Variants in EDA observed in about 807,000 individuals in gnomAD.
EDA encodes the protein ectodysplasin-A.
A neutral mutation model predicts 23.6 loss-of-function variants in EDA; 2 were observed. The observed-to-expected ratio is 0.08, with a 90% CI of 0.03 to 0.27. The LOEUF is 0.27. Ranked by LOEUF, EDA falls within the 10% of genes least tolerant of loss-of-function variation. EDA has a pLI of 1.00. For missense variants in EDA, 229 were observed against 324.2 expected, an observed-to-expected ratio of 0.71 and a Z score of 2.26; for synonymous variants, 131 against 132.0, an observed-to-expected ratio of 0.99 and a Z score of 0.05.
intron 1 of EDA, among the ~76,000 whole-genome samples, chrX:69,639,014 TG>T (rs1252216418): frequency 1.8e-5 from 2 of 109,367 alleles, no homozygotes; most frequent in African/African-American, 6.7e-5. Flanking sequence ...CTCATGTAAG[TG>T]GAGTCATACA....
intron 1 of EDA, among the ~76,000 whole-genome samples, chrX:69,659,971 G>T (rs1037892747): frequency 1.8e-5 from 2 of 111,697 alleles, no homozygotes; most frequent in Non-Finnish European, 3.8e-5. Context: ...GCATGGATGT[G>T]TCAGTACCTA....
chrX:70,029,183 C>T (rs2020164517), intron 4 of EDA, among the ~76,000 whole-genome samples: 1 of 112,764 alleles, frequency 8.9e-6, no homozygotes, highest in Non-Finnish European at 1.9e-5. Flanking sequence ...AAGCCAATGC[C>T]ATTGCCTCAG....
chrX:70,023,356 T>C, intron 3 of EDA, 115 bp downstream of exon 3: 1 of 474,223 alleles, frequency 2.1e-6, no homozygotes, highest in Admixed American at 3.6e-5. Context: ...CTGTCTGTTA[T>C]TTTATTCAAT....
At chrX:69,743,927 A>G (rs1446261304) in intron 1 of EDA, among the ~76,000 whole-genome samples, 2 of 111,943 alleles carry the variant, frequency 1.8e-5, no homozygotes, top group Non-Finnish European at 3.8e-5. Context: ...ACCAGATTTA[A>G]AGACTATTAT....
At position 69,957,148 on chromosome X, in the gene EDA, T is replaced by C. The variant is rs1457677814; in HGVS notation, c.502+16T>C. The C allele has an allele frequency of 5.2e-6, 6 of 1,163,251 alleles. No homozygotes were observed. The highest frequency in any genetic ancestry group is 7.0e-6 in the Non-Finnish European group (6 of 851,241). The stretch of plus-strand genomic sequence containing the variant: ...GGAGCAGATGGTAAGTCTACTCAGT[T>C]GATCCTTTATCACTTCTGAATTATT... On this transcript the variant is annotated intron_variant, in intron 2 of 7. Coordinates refer to ENST00000374552, the MANE Select transcript of EDA (RefSeq NM_001399.5).
At chrX:69,713,060 T>C (rs369905133) in intron 1 of EDA, among the ~76,000 whole-genome samples, 2 of 68,548 alleles carry the variant, frequency 2.9e-5, no homozygotes, top group East Asian at 5.7e-4. Flanking sequence ...CCGGGGCCTG[T>C]TGTAGGGTGG....
chrX:69,939,356 A>G (rs1388421973), intron 1 of EDA, among the ~76,000 whole-genome samples: 1 of 111,419 alleles, frequency 9.0e-6, no homozygotes, highest in South Asian at 3.7e-4. Flanking sequence ...ATTTGTGGCT[A>G]TTTTAATGGG....
At chrX:69,880,580 C>T (rs761010284) in intron 1 of EDA, among the ~76,000 whole-genome samples, 12 of 111,720 alleles carry the variant, frequency 1.1e-4, no homozygotes, top group Non-Finnish European at 2.1e-4. Flanking sequence ...AGAAGAACCT[C>T]AGGATTTGGC....
intron 1 of EDA, among the ~76,000 whole-genome samples, chrX:69,722,025 A>C (rs1180510235): frequency 1.8e-5 from 2 of 110,991 alleles, no homozygotes; most frequent in African/African-American, 6.6e-5. Flanking sequence ...CACCTCTCTC[A>C]TTATTCACAA....
chrX:69,881,592 C>G (rs1319156315), intron 1 of EDA, among the ~76,000 whole-genome samples: 2 of 112,007 alleles, frequency 1.8e-5, no homozygotes, highest in Non-Finnish European at 3.8e-5. Flanking sequence ...CCCACTGGCC[C>G]CTATCCACTC....
intron 1 of EDA, among the ~76,000 whole-genome samples, chrX:69,847,910 C>T (rs2017042199): frequency 8.9e-6 from 1 of 111,839 alleles, no homozygotes; most frequent in Admixed American, 9.5e-5. Flanking sequence ...TTAAATGAAA[C>T]TGTCAAACTG....
At chrX:69,686,331 G>A (rs1286614277) in intron 1 of EDA, among the ~76,000 whole-genome samples, 1 of 112,155 alleles carries the variant, frequency 8.9e-6, no homozygotes, top group Non-Finnish European at 1.9e-5. Context: ...AATGCATGAT[G>A]GTAAAGAATA....
chrX:69,623,318 G>A (rs1932254978), intron 1 of EDA, among the ~76,000 whole-genome samples: 1 of 112,100 alleles, frequency 8.9e-6, no homozygotes, highest in South Asian at 3.7e-4. Flanking sequence ...AGCAGATTTG[G>A]TGTTTGGTGA....
At chrX:69,989,487 T>A (rs2019552446) in intron 2 of EDA, among the ~76,000 whole-genome samples, 1 of 111,336 alleles carries the variant, frequency 9.0e-6, no homozygotes, top group Non-Finnish European at 1.9e-5. Context: ...ATTTCAAGAT[T>A]AAAGTTGAAA....
In EDA at chrX:70,018,856, G is replaced by A. The variant is rs1184466187; in HGVS notation, c.503-4362G>A. Among the ~76,000 whole-genome samples, 16 of 111,749 alleles carry A rather than the reference G, an allele frequency of 1.4e-4. No individual in the cohort carries two copies. In the Admixed American group the frequency reaches 1.5e-3, roughly 11 times the overall value. On this transcript the variant is annotated intron_variant, in intron 2 of 7. Transcript: ENST00000374552. ...ACAAATGGGACCTAATTAAACTAAA[G>A]AGCTCCTGCATAGCAAAACAGCAAA...
At chrX:69,931,359 TAAA>T (rs2018595671) in intron 1 of EDA, among the ~76,000 whole-genome samples, 1 of 111,583 alleles carries the variant, frequency 9.0e-6, no homozygotes. Context: ...AAATCAATAA[TAAA>T]AAGCACACAA....
chrX:69,921,769 C>G (rs73226443), intron 1 of EDA, among the ~76,000 whole-genome samples: 2 of 111,230 alleles, frequency 1.8e-5, no homozygotes, highest in Non-Finnish European at 3.8e-5. Flanking sequence ...GTATCCCATC[C>G]TGAGATCAAT....
At chrX:69,849,923 A>G (rs982133962) in intron 1 of EDA, among the ~76,000 whole-genome samples, 1 of 112,039 alleles carries the variant, frequency 8.9e-6, no homozygotes, top group African/African-American at 3.2e-5. Context: ...TCAATATTAT[A>G]CAAAGGCAGA....
chrX:69,837,883 G>T (rs972692629), intron 1 of EDA, among the ~76,000 whole-genome samples: 2 of 112,452 alleles, frequency 1.8e-5, no homozygotes. Context: ...CTCAAGAACT[G>T]ATCCCAATAT....
Sources: allele counts gnomAD v4.1 joint callset (sites outside exome capture counted in the v4.1 genomes callset), GRCh38; gene constraint gnomAD v4.1.1; transcripts MANE v1.5; gene names NCBI Gene and HGNC (gene_info 2026-07-23, HGNC 2026-07-21).